ATXN7L1: variants seen among roughly 807,000 people sequenced by gnomAD.
The protein encoded by ATXN7L1 is ataxin-7-like protein 1.
Under a neutral mutation model 70.8 loss-of-function variants are expected in ATXN7L1, and 15 were observed. The ratio of observed to expected loss-of-function variants is 0.21; its 90% CI spans 0.14 to 0.33. The LOEUF (loss-of-function observed/expected upper bound fraction) is 0.33. Among genes scored for constraint, ATXN7L1 ranks in the 10% least tolerant of loss-of-function variants. The pLI, the probability that ATXN7L1 is intolerant of heterozygous loss-of-function variation, is 1.00. For synonymous variants in ATXN7L1, 440 were observed against 445.1 expected (o/e 0.99, Z 0.14); for missense variants, 975 against 1,097.1 (o/e 0.89, Z 1.57).
At chr7:105,734,481 T>C (rs1232089626) in intron 3 of ATXN7L1, among the ~76,000 whole-genome samples, 1 of 152,174 alleles carries the variant, frequency 6.6e-6, no homozygotes, top group Non-Finnish European at 1.5e-5. Flanking sequence ...CCAGCTCCCG[T>C]CAAGGTGATC....
intron 2 of ATXN7L1, chr7:105,875,101 C>A (rs1438696135): frequency 6.6e-6 from 1 of 152,640 alleles, no homozygotes; most frequent in African/African-American, 2.4e-5. Flanking sequence ...CAAATGAGAA[C>A]AGGATATGAT....
At chr7:105,864,464 A>AAG (rs1817094373) in intron 2 of ATXN7L1, among the ~76,000 whole-genome samples, 4 of 148,178 alleles carry the variant, frequency 2.7e-5, no homozygotes, top group Non-Finnish European at 6.0e-5. Context: ...CTCAAAAAAA[A>AAG]AAAAAAAAAA....
At chr7:105,784,641 C>A (rs1030747577) in intron 3 of ATXN7L1, among the ~76,000 whole-genome samples, 1 of 152,064 alleles carries the variant, frequency 6.6e-6, no homozygotes, top group African/African-American at 2.4e-5. Flanking sequence ...TGGGGAAAGA[C>A]GCCATGGAGA....
intron 3 of ATXN7L1, among the ~76,000 whole-genome samples, chr7:105,754,119 T>C (rs981913934): frequency 1.3e-5 from 2 of 152,184 alleles, no homozygotes; most frequent in Non-Finnish European, 2.9e-5. Context: ...GCAAGAGGGA[T>C]AGACTGCGGT....
At chr7:105,802,454 G>A (rs1806968682) in intron 2 of ATXN7L1, among the ~76,000 whole-genome samples, 1 of 152,120 alleles carries the variant, frequency 6.6e-6, no homozygotes, top group Admixed American at 6.5e-5. Flanking sequence ...CCCTGTTTCA[G>A]CAGATACCAC....
intron 3 of ATXN7L1, 50 bp downstream of exon 3, chr7:105,788,554 C>T (rs980356997): frequency 6.9e-7 from 1 of 1,458,132 alleles, no homozygotes. Flanking sequence ...AGGCGACTGT[C>T]CCCAGGGCGG....
At chr7:105,626,240 A>C (rs1795674731) in intron 7 of ATXN7L1, among the ~76,000 whole-genome samples, 1 of 152,260 alleles carries the variant, frequency 6.6e-6, no homozygotes, top group South Asian at 2.1e-4. Context: ...TATGAATGAC[A>C]CTTGAAAGCA....
At chr7:105,823,848 C>T (rs778093671) in intron 2 of ATXN7L1, among the ~76,000 whole-genome samples, 1 of 152,104 alleles carries the variant, frequency 6.6e-6, no homozygotes, top group East Asian at 1.9e-4. Context: ...TGAGTATATC[C>T]GCCTGGGATA....
In ATXN7L1 at chr7:105,639,568, C is replaced by T. The variant is rs1424116757; in HGVS notation, c.864G>A (p.Glu288=). 2 of 1,549,102 alleles carry T rather than the reference C, an allele frequency of 1.3e-6. No homozygotes were observed. Among genetic ancestry groups the T allele is most frequent in the African/African-American group, 1.4e-5 (1 of 72,946 alleles). Residue 288 remains glutamate (E), a splice_region_variant and synonymous_variant, in exon 6 of 12, where the codon GAG becomes GAA. Coordinates refer to ENST00000419735, the MANE Select transcript of ATXN7L1 (RefSeq NM_020725.2). The part of the protein sequence containing the change: ...NSNKPYRRLS[E]REFDPNKHCG... ...AGTGTTTATTTGGGTCAAATTCTCTCTCTGGTTTAAGAAACAAACAAAAAA... is the reference window on the plus strand; with the variant it reads ...AGTGTTTATTTGGGTCAAATTCTCTTTCTGGTTTAAGAAACAAACAAAAAA...
Position 105,657,702 on chromosome 7 carries a change from C to CAAAAAAAAAAA in ATXN7L1, c.578+7353_578+7363dup, listed in dbSNP as rs71155465. ...TGGGTGACAGAGTGAGACCCTGTCTCAAAAAAAAAAAAAAAAAAAAAAAAA... is the reference window on the plus strand; with the variant it reads ...TGGGTGACAGAGTGAGACCCTGTCTCAAAAAAAAAAAAAAAAAAAAAAAAAAAAAAAAAAAA... On this transcript the variant is annotated intron_variant, in intron 4 of 11. Transcript: ENST00000419735. Among the ~76,000 whole-genome samples the CAAAAAAAAAAA allele has an allele frequency of 4.2e-4, 11 of 26,114 alleles. 1 individual carries two copies. Among genetic ancestry groups the CAAAAAAAAAAA allele is most frequent in the South Asian group, 2.4e-3 (1 of 410 alleles). The allele number at this position is 26,114 out of a possible 152,430, so 17.1% of individuals were successfully genotyped here.
chr7:105,758,409 A>G, intron 3 of ATXN7L1, among the ~76,000 whole-genome samples: 1 of 152,208 alleles, frequency 6.6e-6, no homozygotes, highest in East Asian at 1.9e-4. Context: ...GGAGCTAGAC[A>G]AGGCTGGCTG....
intron 4 of ATXN7L1, among the ~76,000 whole-genome samples, chr7:105,647,677 CA>C (rs918143572): frequency 1.3e-5 from 2 of 152,190 alleles, no homozygotes; most frequent in Non-Finnish European, 2.9e-5. Flanking sequence ...ACAAGCCAAG[CA>C]GCCCTCAAAT....
intron 2 of ATXN7L1, among the ~76,000 whole-genome samples, chr7:105,859,056 G>A (rs1365653529): frequency 6.6e-6 from 1 of 151,878 alleles, no homozygotes; most frequent in Non-Finnish European, 1.5e-5. Context: ...TTTGGGGGTG[G>A]GGGCATGACA....
intron 3 of ATXN7L1, among the ~76,000 whole-genome samples, chr7:105,769,486 T>C (rs922040322): frequency 6.6e-6 from 1 of 152,094 alleles, no homozygotes; most frequent in African/African-American, 2.4e-5. Flanking sequence ...TGAGACAAAT[T>C]AAGGAATGCC....
chr7:105,823,068 G>A (rs2116569452), intron 2 of ATXN7L1, among the ~76,000 whole-genome samples: 1 of 151,766 alleles, frequency 6.6e-6, no homozygotes, highest in South Asian at 2.1e-4. Flanking sequence ...TAATACTGGA[G>A]ATTAATACAT....
At chr7:105,783,345 AAT>A (rs1231173587) in intron 3 of ATXN7L1, among the ~76,000 whole-genome samples, 1 of 152,174 alleles carries the variant, frequency 6.6e-6, no homozygotes, top group African/African-American at 2.4e-5. Context: ...GGGTGATAGG[AAT>A]ATCTTTCATT....
intron 2 of ATXN7L1, among the ~76,000 whole-genome samples, chr7:105,829,896 C>T (rs1016481734): frequency 2.0e-5 from 3 of 152,178 alleles, no homozygotes; most frequent in Non-Finnish European, 4.4e-5. Flanking sequence ...GCAAACTGTG[C>T]AAATCAGGTT....
chr7:105,720,511 C>T (rs1376458515), intron 3 of ATXN7L1, among the ~76,000 whole-genome samples: 1 of 152,176 alleles, frequency 6.6e-6, no homozygotes, highest in African/African-American at 2.4e-5. Flanking sequence ...CTCTGCCTCC[C>T]AAACTCAAGT....
chr7:105,863,873 A>C (rs1022025873), intron 2 of ATXN7L1, among the ~76,000 whole-genome samples: 3 of 151,916 alleles, frequency 2.0e-5, no homozygotes, highest in Admixed American at 2.0e-4. Context: ...AACAAAACAA[A>C]CAAAAAAACA....
Sources: gnomAD v4.1 joint callset for allele counts (sites outside exome capture counted in the v4.1 genomes callset) on GRCh38, gnomAD v4.1.1 for gene constraint, MANE v1.5 for transcripts, NCBI Gene and HGNC (gene_info 2026-07-23, HGNC 2026-07-21) for gene names.